PTPRE: variants seen among roughly 807,000 people sequenced by gnomAD.
The protein encoded by PTPRE is protein tyrosine phosphatase receptor type E.
Under a neutral mutation model 102.0 loss-of-function variants are expected in PTPRE, and 51 were observed. The observed-to-expected ratio is 0.50, with a 90% CI of 0.40 to 0.63. The LOEUF is 0.63. Among genes scored for constraint, PTPRE ranks in the 30% least tolerant of loss-of-function variants. The pLI is 0.00. For synonymous variants in PTPRE, 345 were observed against 348.2 expected (o/e 0.99, Z 0.10); for missense variants, 752 against 915.1 (o/e 0.82, Z 2.30).
At chr10:128,079,973 G>T (rs1851558986) in intron 20 of PTPRE, among the ~76,000 whole-genome samples, 1 of 152,182 alleles carries the variant, frequency 6.6e-6, no homozygotes. Context: ...GAGGATAGGA[G>T]CTTTTGTGTC....
chr10:128,005,309 G>A (rs893706043), intron 2 of PTPRE, among the ~76,000 whole-genome samples: 7 of 152,224 alleles, frequency 4.6e-5, no homozygotes, highest in East Asian at 3.9e-4. Context: ...TCCTCTCTTC[G>A]TTCTCTTCCA....
At chr10:128,067,831 T>C (rs1242115300) in intron 11 of PTPRE, among the ~76,000 whole-genome samples, 2 of 151,238 alleles carry the variant, frequency 1.3e-5, no homozygotes, top group African/African-American at 4.9e-5. Context: ...TGCACGGGGG[T>C]CTGTGAGCAC....
At chr10:128,050,759 G>A (rs1371955443) in intron 6 of PTPRE, among the ~76,000 whole-genome samples, 1 of 152,178 alleles carries the variant, frequency 6.6e-6, no homozygotes, top group Non-Finnish European at 1.5e-5. Context: ...AGATGGGCCT[G>A]TCTTAATTAC....
intron 2 of PTPRE, among the ~76,000 whole-genome samples, chr10:127,990,953 T>C (rs1461679382): frequency 6.6e-6 from 1 of 152,196 alleles, no homozygotes; most frequent in Non-Finnish European, 1.5e-5. Flanking sequence ...GAAATGTTAG[T>C]TAATAAAACA....
intron 3 of PTPRE, among the ~76,000 whole-genome samples, chr10:128,046,006 G>C (rs1848061159): frequency 6.6e-6 from 1 of 152,212 alleles, no homozygotes; most frequent in South Asian, 2.1e-4. Flanking sequence ...CTCTCTCACG[G>C]CTGGGGCCAC....
At chr10:127,922,015 G>T (rs754702042) in intron 1 of PTPRE, among the ~76,000 whole-genome samples, 7 of 152,218 alleles carry the variant, frequency 4.6e-5, no homozygotes, top group African/African-American at 7.2e-5. Flanking sequence ...GAAAGCAATG[G>T]AATAGACTAA....
At chr10:127,994,036 A>T (rs1312948463) in intron 2 of PTPRE, among the ~76,000 whole-genome samples, 3 of 152,204 alleles carry the variant, frequency 2.0e-5, no homozygotes, top group African/African-American at 7.2e-5. Context: ...GCCCCACCAG[A>T]GTTCCCTCAC....
intron 11 of PTPRE, 151 bp downstream of exon 11, chr10:128,066,345 A>G: frequency 7.7e-7 from 1 of 1,298,188 alleles, no homozygotes; most frequent in South Asian, 1.4e-5. Context: ...CCAGGCTGTG[A>G]TAGGCAGACA....
chr10:127,970,236 G>T (rs191614501), intron 1 of PTPRE, among the ~76,000 whole-genome samples: 1 of 152,266 alleles, frequency 6.6e-6, no homozygotes, highest in East Asian at 1.9e-4. Context: ...GTCCTTAGGA[G>T]ACTCCAGGGC....
chr10:128,016,236 T>C (rs980831295), intron 2 of PTPRE, among the ~76,000 whole-genome samples: 1 of 152,164 alleles, frequency 6.6e-6, no homozygotes, highest in Non-Finnish European at 1.5e-5. Context: ...TAATTACAGC[T>C]TTTCAAAAAA....
chr10:127,907,280 G>A lies in PTPRE; in HGVS notation c.-60G>A, dbSNP rs1330212225. The A allele has an allele frequency of 1.0e-6, 1 of 984,602 alleles. No homozygotes were observed. The highest frequency in any genetic ancestry group is 1.2e-6 in the Non-Finnish European group (1 of 829,714). The allele number at this position is 984,602 out of a possible 1,614,324, so 61.0% of individuals were successfully genotyped here. A position where few individuals can be genotyped will look rare whatever the true frequency, so the allele number is the denominator to read the frequency against. On this transcript the variant is annotated 5_prime_UTR_variant, in exon 1 of 21. Coordinates refer to ENST00000254667, the MANE Select transcript of PTPRE (RefSeq NM_006504.6). The surrounding 1 kb of genome is among the most constrained non-coding windows in gnomAD (Gnocchi z 4.8). ...AGATGCGGAGCCTCCGCTGCAGCGCGATCTGCGCGACCAGACCGGCCCCCC... is the reference window on the plus strand; with the variant it reads ...AGATGCGGAGCCTCCGCTGCAGCGCAATCTGCGCGACCAGACCGGCCCCCC...
intron 2 of PTPRE, among the ~76,000 whole-genome samples, chr10:128,013,349 T>C (rs1311892619): frequency 1.3e-5 from 2 of 152,244 alleles, no homozygotes; most frequent in East Asian, 3.9e-4. Context: ...TCAAAACAAA[T>C]AGCTGGGGGG....
chr10:128,025,079 A>T (rs1406757616), intron 2 of PTPRE, among the ~76,000 whole-genome samples: 4 of 143,402 alleles, frequency 2.8e-5, no homozygotes, highest in Non-Finnish European at 3.0e-5. Context: ...GGATGGCTTG[A>T]GCCCAGGAGT....
chr10:128,082,209 T>C lies in PTPRE; in HGVS notation c.2029-623T>C, dbSNP rs1331810209. On this transcript the variant is annotated intron_variant, in intron 20 of 20. Coordinates refer to ENST00000254667, the MANE Select transcript of PTPRE (RefSeq NM_006504.6). ...TTTTTCTCTTTCTTTTTTTTTTTTT[T>C]TTTTTTTTTTTTTTGAGACAGGGTC... 1.5e-4 allele frequency among the ~76,000 whole-genome samples: 20 copies of C among 135,996 alleles called. 2 individuals are homozygous for C. In the East Asian group the frequency reaches 2.1e-3, roughly 14 times the overall value. 89.2% of individuals were successfully genotyped at this position (135,996 alleles called of 152,430 possible).
At chr10:128,039,079 A>G (rs186225003) in intron 2 of PTPRE, among the ~76,000 whole-genome samples, 87 of 152,356 alleles carry the variant, frequency 5.7e-4, no homozygotes, top group Non-Finnish European at 9.8e-4. Context: ...GGAATTCTGC[A>G]TCTCTGGAAT....
intron 2 of PTPRE, among the ~76,000 whole-genome samples, chr10:128,015,212 T>TA (rs1845318299): frequency 6.6e-6 from 1 of 152,168 alleles, no homozygotes; most frequent in Admixed American, 6.5e-5. Context: ...GCTTTGTTTA[T>TA]AAGAGCAAAC....
At chr10:128,079,868 C>G (rs1280900176) in intron 20 of PTPRE, among the ~76,000 whole-genome samples, 173 bp downstream of exon 20, 8 of 152,202 alleles carry the variant, frequency 5.3e-5, no homozygotes. Flanking sequence ...GCCCTCCTTC[C>G]TTGGGTCTGT....
At chr10:127,952,640 G>A (rs1011533452) in intron 1 of PTPRE, among the ~76,000 whole-genome samples, 1 of 151,874 alleles carries the variant, frequency 6.6e-6, no homozygotes, top group Admixed American at 6.6e-5. Context: ...ATAGTACTCA[G>A]CCTATAGGGA....
intron 1 of PTPRE, among the ~76,000 whole-genome samples, chr10:127,914,287 C>G (rs78016424): frequency 0.035 from 5,369 of 152,278 alleles, 131 homozygotes; most frequent in Middle Eastern, 0.085. Flanking sequence ...AATTAAACCT[C>G]ATTTCCTTAT....
Sources: gnomAD v4.1 joint callset for allele counts (sites outside exome capture counted in the v4.1 genomes callset) on GRCh38, gnomAD v4.1.1 for gene constraint, Gnocchi (gnomAD v3.1) non-coding constraint, MANE v1.5 for transcripts, NCBI Gene and HGNC (gene_info 2026-07-23, HGNC 2026-07-21) for gene names.